BMP2K: variants seen among roughly 807,000 people sequenced by gnomAD.
BMP2K encodes BMP-2-inducible protein kinase.
Under a neutral mutation model 116.0 loss-of-function variants are expected in BMP2K, and 74 were observed. The ratio of observed to expected loss-of-function variants is 0.64; its 90% CI spans 0.53 to 0.77. The LOEUF (loss-of-function observed/expected upper bound fraction) is 0.77. Ranked by LOEUF, BMP2K falls within the 30% of genes least tolerant of loss-of-function variation. The pLI is 0.00. For missense variants in BMP2K, 1,365 were observed against 1,403.6 expected (o/e 0.97, Z 0.44); for synonymous variants, 486 against 502.5 (o/e 0.97, Z 0.44).
intron 1 of BMP2K, among the ~76,000 whole-genome samples, chr4:78,822,437 T>A (rs1313061890): frequency 1.3e-5 from 2 of 152,158 alleles, no homozygotes; most frequent in Non-Finnish European, 2.9e-5. Context: ...TTTATGTAGT[T>A]TATAGAGTGC....
chr4:78,866,611 AG>A, intron 10 of BMP2K, among the ~76,000 whole-genome samples: 1 of 152,260 alleles, frequency 6.6e-6, no homozygotes, highest in African/African-American at 2.4e-5. Context: ...GTTACTATCA[AG>A]TAAAGTATAT....
chr4:78,793,182 C>T (rs572718619), intron 1 of BMP2K, among the ~76,000 whole-genome samples: 10 of 151,936 alleles, frequency 6.6e-5, no homozygotes, highest in East Asian at 1.9e-4. Context: ...GAGGTCGAGG[C>T]GGGCGGATCA....
intron 1 of BMP2K, among the ~76,000 whole-genome samples, chr4:78,801,827 T>C (rs1728582356): frequency 6.6e-6 from 1 of 152,218 alleles, no homozygotes; most frequent in Non-Finnish European, 1.5e-5. Flanking sequence ...ATTGTTCTTA[T>C]GATATGACAT....
At position 78,826,147 on chromosome 4, in the gene BMP2K, A is replaced by G; in HGVS notation, c.289A>G (p.Thr97Ala). The change falls in exon 2 of 16, where the codon ACA (threonine) becomes GCA (alanine). Residue 97 changes from threonine to alanine, a missense_variant. Around this residue, in one of 3 missense-constraint regions of BMP2K, gnomAD observed 762 missense variants for 756.7 expected, o/e 1.01. Transcript: ENST00000502613. ...PDLNVCKREI[T>A]IMKELSGHKN... ...CCTCAATGTTTGTAAAAGGGAAATTACAATTATGGTAAGTGAAGGAGTAGT... is the reference window on the plus strand; with the variant it reads ...CCTCAATGTTTGTAAAAGGGAAATTGCAATTATGGTAAGTGAAGGAGTAGT... 6.2e-7 allele frequency: 1 copy of G among 1,608,806 alleles called. No homozygotes were observed. The highest frequency in any genetic ancestry group is 8.5e-7 in the Non-Finnish European group (1 of 1,175,638).
intron 13 of BMP2K, among the ~76,000 whole-genome samples, chr4:78,873,732 G>A (rs1031516542): frequency 6.6e-6 from 1 of 152,036 alleles, no homozygotes; most frequent in South Asian, 2.1e-4. Context: ...GTGTGCACAT[G>A]TGCAAGAGAC....
chr4:78,899,000 G>A (rs946908675), intron 15 of BMP2K: 5 of 152,552 alleles, frequency 3.3e-5, no homozygotes, highest in African/African-American at 1.2e-4. Context: ...TGACCTCCAG[G>A]AAGCGAGGGG....
Position 78,916,145 on chromosome 4 carries a change from TC to T in BMP2K, c.*4117del, listed in dbSNP as rs1194473047. On this transcript the variant is annotated 3_prime_UTR_variant, in exon 16 of 16. Transcript: ENST00000502613. ...AAACAATTATGAGATAGACTCAGTC[TC>T]CCCCTCCCACCCCTTTTCCCCTGCC... 4.0e-5 allele frequency: 6 copies of T among 151,854 alleles called. No individual in the cohort carries two copies. The highest frequency in any genetic ancestry group is 3.9e-4 in the Admixed American group (6 of 15,200). 9.4% of individuals were successfully genotyped at this position (151,854 alleles called of 1,614,324 possible).
In BMP2K at chr4:78,910,940, A is replaced by T; in HGVS notation, c.2393A>T (p.Glu798Val). The T allele has an allele frequency of 6.2e-7, 1 of 1,613,806 alleles. No individual in the cohort carries two copies. Among genetic ancestry groups the T allele is most frequent in the South Asian group, 1.1e-5 (1 of 91,030 alleles). ...GATTCTGAAGATGAGGAAGAAGAGG[A>T]GAAACATAGCTCTGATTCTGATTAT... The part of the protein sequence containing the change: ...LMDSEDEEEE[E>V]KHSSDSDYEQ... The change falls in exon 16 of 16, where the codon GAG becomes GTG. Residue 798 changes from glutamate to valine, a missense_variant. Coordinates refer to ENST00000502613, the MANE Select transcript of BMP2K (RefSeq NM_198892.2).
chr4:78,893,680 A>G (rs1733557380), intron 15 of BMP2K, among the ~76,000 whole-genome samples: 1 of 152,180 alleles, frequency 6.6e-6, no homozygotes, highest in Non-Finnish European at 1.5e-5. Flanking sequence ...CTCCCGCCTC[A>G]GCATCCCATG....
rs114207854 is a variant in BMP2K at position 78,819,739 on chromosome 4, G to A, written c.179-6298G>A. Among the ~76,000 whole-genome samples the A allele has an allele frequency of 4.0e-3, 606 of 152,126 alleles. 5 individuals carry two copies. Among genetic ancestry groups the A allele is most frequent in the Non-Finnish European group, 6.6e-3 (448 of 67,998 alleles). The stretch of plus-strand genomic sequence containing the variant: ...GCTAGATTCCAAGAAGAAATTTAGC[G>A]GAACATTTTTTTCCATCTTTCATTG... On this transcript the variant is annotated intron_variant, in intron 1 of 15. Transcript: ENST00000502613.
intron 3 of BMP2K, among the ~76,000 whole-genome samples, chr4:78,839,853 G>A (rs1730671997): frequency 6.6e-6 from 1 of 152,046 alleles, no homozygotes; most frequent in African/African-American, 2.4e-5. Flanking sequence ...TTCTGGCTGT[G>A]CTGGCAGCTG....
chr4:78,779,879 G>A (rs1238399106), intron 1 of BMP2K, among the ~76,000 whole-genome samples: 1 of 152,094 alleles, frequency 6.6e-6, no homozygotes, highest in African/African-American at 2.4e-5. Flanking sequence ...CCTCCTCAAA[G>A]TTTAAAGGAC....
In BMP2K at chr4:78,912,111, G is replaced by A. The variant is rs1243003620; in HGVS notation, c.*78G>A. ...GTTTTATGAATTTGAAAGAAAATTT[G>A]GTAGCTCTTTATAGCATTCATTCTT... On this transcript the variant is annotated 3_prime_UTR_variant, in exon 16 of 16. Transcript: ENST00000502613. 1 of 1,334,638 alleles carries A rather than the reference G, an allele frequency of 7.5e-7. No homozygotes were observed. The highest frequency in any genetic ancestry group is 2.3e-5 in the East Asian group (1 of 43,300). 82.7% of individuals were successfully genotyped at this position (1,334,638 alleles called of 1,614,324 possible). A position where few individuals can be genotyped will look rare whatever the true frequency, so the allele number is the denominator to read the frequency against.
chr4:78,851,991 A>G (rs1010301777), intron 7 of BMP2K, among the ~76,000 whole-genome samples: 1 of 152,150 alleles, frequency 6.6e-6, no homozygotes, highest in African/African-American at 2.4e-5. Context: ...TTTATAATTT[A>G]TGAAGCTCGT....
intron 1 of BMP2K, among the ~76,000 whole-genome samples, chr4:78,783,566 G>C (rs1366730328): frequency 6.6e-6 from 1 of 152,208 alleles, no homozygotes; most frequent in Admixed American, 6.5e-5. Context: ...AGCACTTTGG[G>C]AGGCTGAGAC....
intron 13 of BMP2K, among the ~76,000 whole-genome samples, chr4:78,873,555 T>C (rs1176204926): frequency 1.3e-5 from 2 of 152,178 alleles, no homozygotes; most frequent in Non-Finnish European, 2.9e-5. Flanking sequence ...AAGCTTTGGC[T>C]CAGAGTTGAG....
At chr4:78,794,178 G>C (rs1187642796) in intron 1 of BMP2K, among the ~76,000 whole-genome samples, 1 of 152,094 alleles carries the variant, frequency 6.6e-6, no homozygotes, top group Non-Finnish European at 1.5e-5. Context: ...TTGTATCTTG[G>C]ATCTGGGGGG....
intron 1 of BMP2K, among the ~76,000 whole-genome samples, chr4:78,824,521 C>A (rs969994751): frequency 2.0e-5 from 3 of 152,218 alleles, no homozygotes; most frequent in Non-Finnish European, 4.4e-5. Context: ...CTGAGGGAAT[C>A]TGCCCCCATG....
intron 15 of BMP2K, among the ~76,000 whole-genome samples, chr4:78,892,826 C>T (rs1309760915): frequency 2.6e-5 from 4 of 152,102 alleles, no homozygotes; most frequent in Non-Finnish European, 5.9e-5. Context: ...TTAAAAATAA[C>T]TTATTGATAA....
Sources: gnomAD v4.1 joint callset for allele counts (sites outside exome capture counted in the v4.1 genomes callset) on GRCh38, gnomAD v4.1.1 for gene constraint, gnomAD v4.1.1 regional missense constraint, MANE v1.5 for transcripts, NCBI Gene and HGNC (gene_info 2026-07-23, HGNC 2026-07-21) for gene names.